LRIG1: variants seen among roughly 807,000 people sequenced by gnomAD.
LRIG1 encodes leucine-rich repeats and immunoglobulin-like domains protein 1.
LRIG1 carries 48 observed loss-of-function variants against 99.2 expected under a neutral mutation model. That is an observed-to-expected ratio of 0.48 (90% CI 0.38 to 0.62). The LOEUF (loss-of-function observed/expected upper bound fraction) is 0.62, where lower values mean the gene tolerates loss of function less well. Among genes scored for constraint, LRIG1 ranks in the 20% least tolerant of loss-of-function variants. The probability of loss-of-function intolerance (pLI) is 0.00; values close to 1 mark genes in which losing one functional copy is unlikely to be tolerated. For missense variants in LRIG1, 1,646 were observed against 1,434.4 expected, an observed-to-expected ratio of 1.15 and a Z score of -2.38; for synonymous variants, 772 against 596.1, an observed-to-expected ratio of 1.29 and a Z score of -4.30.
intron 12 of LRIG1, among the ~76,000 whole-genome samples, chr3:66,389,774 A>G (rs1366325474): frequency 6.6e-6 from 1 of 152,180 alleles, no homozygotes; most frequent in Non-Finnish European, 1.5e-5. Flanking sequence ...AAGATCAAGG[A>G]AACAGAAGAC....
At chr3:66,450,139 G>A (rs780366567) in intron 3 of LRIG1, among the ~76,000 whole-genome samples, 4 of 152,062 alleles carry the variant, frequency 2.6e-5, no homozygotes, top group Non-Finnish European at 4.4e-5. Context: ...AAACCAAGTG[G>A]GTACAAAATA....
At chr3:66,429,857 C>T (rs1011638232) in intron 3 of LRIG1, among the ~76,000 whole-genome samples, 20 of 27,856 alleles carry the variant, frequency 7.2e-4, no homozygotes, top group African/African-American at 1.3e-3. Context: ...ACTCTCCGTA[C>T]TTTCCACTCC....
chr3:66,499,588 C>A (rs1575740297), intron 1 of LRIG1, among the ~76,000 whole-genome samples: 2 of 152,280 alleles, frequency 1.3e-5, no homozygotes, highest in East Asian at 3.9e-4. Flanking sequence ...CGGGGGAAGA[C>A]TGCCTTCTGC....
intron 1 of LRIG1, among the ~76,000 whole-genome samples, chr3:66,485,416 G>A (rs1575729059): frequency 6.6e-6 from 1 of 152,000 alleles, no homozygotes; most frequent in Admixed American, 6.6e-5. Context: ...TACACCACTC[G>A]GGTCAGCGTT....
chr3:66,381,826 G>A (rs912083595), intron 16 of LRIG1, among the ~76,000 whole-genome samples, 195 bp from the exon 17 acceptor site: 1 of 152,160 alleles, frequency 6.6e-6, no homozygotes, highest in African/African-American at 2.4e-5. Context: ...TGTGAAATGA[G>A]CAGCTGTCTC....
At position 66,487,170 on chromosome 3, in the gene LRIG1, T is replaced by C. The variant is rs976654585; in HGVS notation, c.218+13020A>G. ...ATAATTTTTGTTTTAGGTCAAATATTCTCTCTAAAAGTTCTGACATATAAA... is the reference window on the plus strand; with the variant it reads ...ATAATTTTTGTTTTAGGTCAAATATCCTCTCTAAAAGTTCTGACATATAAA... On this transcript the variant is annotated intron_variant, in intron 1 of 18. Coordinates refer to ENST00000273261, the MANE Select transcript of LRIG1 (RefSeq NM_015541.3). Among the ~76,000 whole-genome samples the C allele has an allele frequency of 3.9e-5, 6 of 152,146 alleles. No individual in the cohort carries two copies. The South Asian group carries it at 6.2e-4, about 16-fold the overall frequency.
At chr3:66,407,614 CGCGTGCGT>C in intron 7 of LRIG1, 123 bp from the exon 8 acceptor site, 1 of 1,026,872 alleles carries the variant, frequency 9.7e-7, no homozygotes, top group South Asian at 1.5e-5. Context: ...CACACGCACG[CGCGTGCGT>C]GCACACACAC....
Position 66,500,510 on chromosome 3 carries a change from C to G in LRIG1, c.-103G>C. On this transcript the variant is annotated 5_prime_UTR_variant, in exon 1 of 19. Coordinates refer to ENST00000273261, the MANE Select transcript of LRIG1 (RefSeq NM_015541.3). ...GGGGCGCTCCGCTCGGCTCTAGACT[C>G]CGCACCGGGGCATGGCCCCCGCCCC... 1 of 563,982 alleles carries G rather than the reference C, an allele frequency of 1.8e-6. No homozygotes were observed. The allele number at this position is 563,982 out of a possible 1,614,324, so 34.9% of individuals were successfully genotyped here.
chr3:66,390,819 A>C (rs1260385055), intron 12 of LRIG1, among the ~76,000 whole-genome samples: 2 of 152,188 alleles, frequency 1.3e-5, no homozygotes, highest in Non-Finnish European at 2.9e-5. Flanking sequence ...GAGATATTGA[A>C]CTTCACCAAA....
chr3:66,406,231 A>T (rs1157647727), intron 8 of LRIG1: 26 of 985,294 alleles, frequency 2.6e-5, no homozygotes, highest in Non-Finnish European at 2.9e-5. Context: ...CTGCTGCTGG[A>T]AGGGACTTCT....
In LRIG1 at chr3:66,417,244, C is replaced by T. The variant is rs770975639; in HGVS notation, c.388G>A (p.Val130Met). 9.3e-6 allele frequency: 15 copies of T among 1,613,954 alleles called. No homozygotes were observed. The highest frequency in any genetic ancestry group is 4.5e-5 in the East Asian group (2 of 44,882). Residue 130 changes from valine to methionine, a missense_variant, in exon 4 of 19, where the codon GTG becomes ATG. Coordinates refer to ENST00000273261, the MANE Select transcript of LRIG1 (RefSeq NM_015541.3). ...LFLQHNKIRS[V>M]EGSQLKAYLS... ...TAGGCCTTCAGCTGGCTCCCCTCCA[C>T]GCTGCGAATCTTGTTGTGCTGCCTG...
intron 9 of LRIG1, chr3:66,401,825 T>C: frequency 2.0e-6 from 1 of 503,258 alleles, no homozygotes; most frequent in South Asian, 3.4e-5. Context: ...GGGAGTCACC[T>C]GTCAAACCTC....
chr3:66,391,849 C>G (rs1701632855), intron 12 of LRIG1, among the ~76,000 whole-genome samples: 1 of 152,160 alleles, frequency 6.6e-6, no homozygotes, highest in Non-Finnish European at 1.5e-5. Flanking sequence ...GTATACAATT[C>G]AATGGTTTTT....
rs1702701238 is a variant in LRIG1 at position 66,418,704 on chromosome 3, T to C, written c.366-1438A>G. ...ACAACACAAGTAAGCCAGGCGTCGC[T>C]TACCAAGTGGCATCTCCTTTAAACA... On this transcript the variant is annotated intron_variant, in intron 3 of 18. Coordinates refer to ENST00000273261, the MANE Select transcript of LRIG1 (RefSeq NM_015541.3). Among the ~76,000 whole-genome samples the C allele has an allele frequency of 2.0e-5, 3 of 152,326 alleles. No individual in the cohort carries two copies. In the South Asian group the frequency reaches 6.2e-4, roughly 32 times the overall value.
In LRIG1 at chr3:66,386,378, A is replaced by G. The variant is rs1701376167; in HGVS notation, c.1469-77T>C. The G allele has an allele frequency of 4.8e-6, 6 of 1,243,816 alleles. No individual in the cohort carries two copies. In the African/African-American group the frequency reaches 8.9e-5, roughly 19 times the overall value. 77.0% of individuals were successfully genotyped at this position (1,243,816 alleles called of 1,614,324 possible). On this transcript the variant is annotated intron_variant, in intron 12 of 18. Coordinates refer to ENST00000273261, the MANE Select transcript of LRIG1 (RefSeq NM_015541.3). The stretch of plus-strand genomic sequence containing the variant: ...AACCAGCTGCTGTTCATGCTAACAG[A>G]AACTGACACAGACACCAAGCAGGAA...
Position 66,392,335 on chromosome 3 carries a change from C to T in LRIG1, c.1468+1705G>A, listed in dbSNP as rs535010476. On this transcript the variant is annotated intron_variant, in intron 12 of 18. Coordinates refer to ENST00000273261, the MANE Select transcript of LRIG1 (RefSeq NM_015541.3). ...CAAGAGTGGAACTGCCAGGTCATGT[C>T]GTAACTGGATGTTGAACTGAGGAAC... 7.2e-5 allele frequency among the ~76,000 whole-genome samples: 11 copies of T among 152,330 alleles called. No homozygotes were observed. The South Asian group carries it at 2.1e-3, about 29-fold the overall frequency.
chr3:66,391,586 A>G lies in LRIG1; in HGVS notation c.1468+2454T>C, dbSNP rs114540636. On this transcript the variant is annotated intron_variant, in intron 12 of 18. Coordinates refer to ENST00000273261, the MANE Select transcript of LRIG1 (RefSeq NM_015541.3). ...AGAATAGGCAAATGATGGAGACACA[A>G]TGAGATTAGTGCTATCAAGGGCCTG... is the stretch of plus-strand genomic sequence containing the variant. 6.6e-3 allele frequency among the ~76,000 whole-genome samples: 1,006 copies of G among 152,326 alleles called. 14 individuals are homozygous for G. The highest frequency in any genetic ancestry group is 0.019 in the African/African-American group (780 of 41,570).
chr3:66,413,474 A>T (rs1041395944), intron 5 of LRIG1, among the ~76,000 whole-genome samples: 1 of 152,362 alleles, frequency 6.6e-6, no homozygotes, highest in Admixed American at 6.5e-5. Flanking sequence ...TCAAATGGCA[A>T]TAACACTTTC....
chr3:66,396,876 G>A (rs1701871770), intron 11 of LRIG1, among the ~76,000 whole-genome samples: 1 of 152,210 alleles, frequency 6.6e-6, no homozygotes, highest in Non-Finnish European at 1.5e-5. Flanking sequence ...TTTACTGCGA[G>A]TCCACCTCTG....
Sources: allele counts gnomAD v4.1 joint callset (sites outside exome capture counted in the v4.1 genomes callset), GRCh38; gene constraint gnomAD v4.1.1; transcripts MANE v1.5; gene names NCBI Gene and HGNC (gene_info 2026-07-23, HGNC 2026-07-21).